TEKTIP1: variants seen among roughly 807,000 people sequenced by gnomAD.
The protein encoded by TEKTIP1 is tektin bundle-interacting protein 1.
the TEKTIP1 span, among the ~76,000 whole-genome samples, chr19:3,540,677 C>T: frequency 2.7e-5 from 4 of 145,604 alleles, no homozygotes; most frequent in East Asian, 4.3e-4. Context: ...GTCAGGAGTT[C>T]GAGACCAGCC....
At chr19:3,541,291 G>A in the TEKTIP1 span, among the ~76,000 whole-genome samples, 4 of 151,538 alleles carry the variant, frequency 2.6e-5, no homozygotes, top group African/African-American at 2.4e-5. Flanking sequence ...AGCCGAAATC[G>A]TGCCACTGCA....
the TEKTIP1 span, chr19:3,539,344 G>A: frequency 2.4e-6 from 2 of 824,452 alleles, no homozygotes; most frequent in African/African-American, 1.8e-5. Flanking sequence ...GTTTGGTTTG[G>A]GGTCTTGCAC....
the TEKTIP1 span, among the ~76,000 whole-genome samples, chr19:3,540,526 G>C: frequency 3.3e-5 from 5 of 151,434 alleles, no homozygotes; most frequent in Non-Finnish European, 7.4e-5. Flanking sequence ...AAAGTGCTGG[G>C]ATTACAGGCG....
chr19:3,543,605 G>C, the TEKTIP1 span: 1 of 1,544,380 alleles, frequency 6.5e-7, no homozygotes, highest in Non-Finnish European at 8.7e-7. Flanking sequence ...CATCGTCCCT[G>C]CCCAGTACCA....
chr19:3,539,233 A>G, the TEKTIP1 span: 10 of 1,548,050 alleles, frequency 6.5e-6, no homozygotes, highest in Middle Eastern at 1.7e-4. Context: ...GGGACCCTCG[A>G]GGCCAGCTTC....
At chr19:3,542,073 G>A in the TEKTIP1 span, 6 of 961,592 alleles carry the variant, frequency 6.2e-6, no homozygotes, top group Non-Finnish European at 7.4e-6. Context: ...GCCTCCCAAA[G>A]TGCTGGGATT....
At chr19:3,542,847 G>A in the TEKTIP1 span, 2 of 1,379,970 alleles carry the variant, frequency 1.4e-6, no homozygotes, top group Non-Finnish European at 1.9e-6. Flanking sequence ...TCTTCCTGGT[G>A]CACCTCCAGG....
the TEKTIP1 span, chr19:3,543,022 G>C: frequency 4.4e-6 from 7 of 1,605,138 alleles, no homozygotes; most frequent in Admixed American, 3.4e-5. Flanking sequence ...CTTGGGGTGC[G>C]ATGTGTGGGG....
chr19:3,543,646 G>A, the TEKTIP1 span: 2 of 1,543,934 alleles, frequency 1.3e-6, no homozygotes, highest in Non-Finnish European at 8.7e-7. Flanking sequence ...GGAGCGCGCT[G>A]TGGAAAGACA....
chr19:3,542,577 G>A, the TEKTIP1 span: 7 of 776,290 alleles, frequency 9.0e-6, no homozygotes, highest in South Asian at 5.9e-5. Flanking sequence ...GGGTTCAAGC[G>A]ATTCTCCTGC....
chr19:3,544,002 C>G, the TEKTIP1 span: 14 of 1,540,054 alleles, frequency 9.1e-6, no homozygotes, highest in South Asian at 3.6e-5. Context: ...CACACCCACT[C>G]CCCGATAAAG....
At chr19:3,539,439 T>C in the TEKTIP1 span, 8 of 585,244 alleles carry the variant, frequency 1.4e-5, no homozygotes, top group Non-Finnish European at 2.5e-5. Flanking sequence ...GGCCGCTCAC[T>C]GTGGGGGCTA....
At chr19:3,540,267 T>G in the TEKTIP1 span, among the ~76,000 whole-genome samples, 8 of 150,190 alleles carry the variant, frequency 5.3e-5, no homozygotes, top group South Asian at 2.1e-4. Flanking sequence ...TAATTTTTGT[T>G]TTTTTTTTTG....
At chr19:3,543,240 A>C in the TEKTIP1 span, 4 of 1,543,474 alleles carry the variant, frequency 2.6e-6, no homozygotes, top group Non-Finnish European at 3.5e-6. Flanking sequence ...CTCAGCGATG[A>C]CTACCTGTCC....
chr19:3,540,446 CG>C, the TEKTIP1 span, among the ~76,000 whole-genome samples: 1 of 151,244 alleles, frequency 6.6e-6, no homozygotes, highest in African/African-American at 2.4e-5. Context: ...TTAGTAGAGA[CG>C]GGGTTTCACC....
the TEKTIP1 span, chr19:3,540,009 T>C: frequency 1.3e-5 from 2 of 152,018 alleles, no homozygotes; most frequent in Non-Finnish European, 2.9e-5. Flanking sequence ...CCCAGCACTT[T>C]GGAAGGCTAA....
the TEKTIP1 span, among the ~76,000 whole-genome samples, chr19:3,540,572 AT>A: frequency 1.3e-5 from 2 of 151,754 alleles, no homozygotes; most frequent in Non-Finnish European, 2.9e-5. Context: ...CCCCATCTCT[AT>A]AAAAAATTTA....
chr19:3,543,423 A>C, the TEKTIP1 span: 1 of 1,546,972 alleles, frequency 6.5e-7, no homozygotes, highest in Non-Finnish European at 8.7e-7. Context: ...CGCGAGGCCT[A>C]CAACCGCTGG....
chr19:3,542,392 G>A, the TEKTIP1 span: 1 of 985,314 alleles, frequency 1.0e-6, no homozygotes, highest in Non-Finnish European at 1.2e-6. Flanking sequence ...ACTGTCTTGG[G>A]GCCAGCAACC....
Sources: allele counts gnomAD v4.1 joint callset (sites outside exome capture counted in the v4.1 genomes callset), GRCh38; gene constraint gnomAD v4.1.1; transcripts MANE v1.5; gene names NCBI Gene and HGNC (gene_info 2026-07-23, HGNC 2026-07-21).